Variants in TENM2 observed in about 807,000 individuals in gnomAD.
TENM2 encodes teneurin transmembrane protein 2, also known as teneurin-2.
A neutral mutation model predicts 245.2 loss-of-function variants in TENM2; 52 were observed. The observed-to-expected ratio is 0.21, with a 90% confidence interval of 0.17 to 0.27. The LOEUF (loss-of-function observed/expected upper bound fraction) is 0.27, where lower values mean the gene tolerates loss of function less well. Ranked by LOEUF, TENM2 falls within the 10% of genes least tolerant of loss-of-function variation. TENM2 has a pLI of 1.00. For missense variants in TENM2, 3,046 were observed against 3,666.8 expected (o/e 0.83, Z 4.37); for synonymous variants, 1,363 against 1,438.9 (o/e 0.95, Z 1.19).
intron 8 of TENM2, among the ~76,000 whole-genome samples, chr5:168,095,482 C>G (rs1389943917): frequency 1.3e-5 from 2 of 152,218 alleles, no homozygotes; most frequent in African/African-American, 4.8e-5. Flanking sequence ...GAGAGGCCCT[C>G]CCTGAACATT....
chr5:167,487,629 G>A (rs969678315), intron 2 of TENM2, among the ~76,000 whole-genome samples: 33 of 152,242 alleles, frequency 2.2e-4, no homozygotes, highest in African/African-American at 7.7e-4. Context: ...GTCTTTCATT[G>A]TAATTAACTA....
chr5:167,716,786 A>AG (rs1260320140), intron 2 of TENM2, among the ~76,000 whole-genome samples: 1 of 152,042 alleles, frequency 6.6e-6, no homozygotes, highest in Admixed American at 6.6e-5. Context: ...AGAAATCCGA[A>AG]GGGAAAAAAA....
intron 1 of TENM2, among the ~76,000 whole-genome samples, chr5:167,363,580 A>T (rs1759842209): frequency 6.6e-6 from 1 of 151,880 alleles, no homozygotes; most frequent in Admixed American, 6.6e-5. Context: ...AAATACAAAA[A>T]ATTAACTGGG....
chr5:168,212,714 G>A (rs1258101305), intron 20 of TENM2, among the ~76,000 whole-genome samples: 2 of 152,140 alleles, frequency 1.3e-5, no homozygotes, highest in Non-Finnish European at 2.9e-5. Context: ...CACCCCATTT[G>A]AGCCAAATTT....
chr5:167,763,251 T>A (rs1049345820), intron 2 of TENM2, among the ~76,000 whole-genome samples: 1 of 152,228 alleles, frequency 6.6e-6, no homozygotes, highest in Non-Finnish European at 1.5e-5. Context: ...TCATATTCCA[T>A]CCTGTCTGGT....
chr5:167,297,721 GAA>G (rs35827675), intron 1 of TENM2, among the ~76,000 whole-genome samples: 27,352 of 151,838 alleles, frequency 0.18, 3,425 homozygotes, highest in African/African-American at 0.36. Context: ...GGCTGAGTCT[GAA>G]AAGAGAGTCA....
intron 2 of TENM2, among the ~76,000 whole-genome samples, chr5:167,870,643 A>G (rs1772746185): frequency 6.7e-6 from 1 of 148,456 alleles, no homozygotes; most frequent in African/African-American, 2.5e-5. Context: ...ACACACATAT[A>G]TAGTAATATA....
intron 13 of TENM2, among the ~76,000 whole-genome samples, chr5:168,183,126 G>A (rs948148390): frequency 1.1e-4 from 17 of 152,056 alleles, no homozygotes; most frequent in South Asian, 6.3e-4. Flanking sequence ...CACCGCCCCC[G>A]GCCCAGGGTA....
chr5:168,160,382 G>A (rs1023457390), intron 12 of TENM2, among the ~76,000 whole-genome samples: 2 of 152,198 alleles, frequency 1.3e-5, no homozygotes, highest in African/African-American at 4.8e-5. Flanking sequence ...TGTGAATCTG[G>A]GCTTTGTGAG....
chr5:167,170,645 T>C, the TENM2 span, among the ~76,000 whole-genome samples: 1 of 152,188 alleles, frequency 6.6e-6, no homozygotes, highest in Non-Finnish European at 1.5e-5. Context: ...AGGTCAGTTT[T>C]TTGTTTTTAT....
chr5:168,152,021 G>A (rs977622235), intron 12 of TENM2, among the ~76,000 whole-genome samples: 5 of 152,220 alleles, frequency 3.3e-5, no homozygotes, highest in African/African-American at 1.2e-4. Context: ...AGAGCCATTG[G>A]CTGGTGTCAA....
At chr5:167,595,176 T>A (rs1776119302) in intron 2 of TENM2, among the ~76,000 whole-genome samples, 1 of 152,006 alleles carries the variant, frequency 6.6e-6, no homozygotes, top group African/African-American at 2.4e-5. Flanking sequence ...CTCTCACTTA[T>A]TAAAAAGGGA....
the TENM2 span, among the ~76,000 whole-genome samples, chr5:167,011,178 T>A: frequency 1.3e-5 from 2 of 152,208 alleles, no homozygotes; most frequent in Admixed American, 6.5e-5. Flanking sequence ...AATTACTACT[T>A]CCTCTGGTTT....
chr5:168,068,894 T>C (rs1790741407), intron 7 of TENM2, among the ~76,000 whole-genome samples: 1 of 152,078 alleles, frequency 6.6e-6, no homozygotes, highest in Non-Finnish European at 1.5e-5. Flanking sequence ...GTAACAATGT[T>C]GAGTCTATTT....
At chr5:167,267,838 T>G in the TENM2 span, among the ~76,000 whole-genome samples, 3 of 152,192 alleles carry the variant, frequency 2.0e-5, no homozygotes, top group Non-Finnish European at 4.4e-5. Context: ...ACAAAATTTT[T>G]TATGGGGCTG....
intron 5 of TENM2, among the ~76,000 whole-genome samples, chr5:168,023,781 C>T (rs72824972): frequency 1.3e-3 from 198 of 152,246 alleles, no homozygotes; most frequent in Middle Eastern, 3.4e-3. Context: ...CATGACATCC[C>T]GGAGGGTGCT....
intron 2 of TENM2, among the ~76,000 whole-genome samples, chr5:167,511,516 C>T (rs903827248): frequency 6.6e-6 from 1 of 152,280 alleles, no homozygotes; most frequent in African/African-American, 2.4e-5. Context: ...TTTTGTCATA[C>T]AAATAGTTGA....
At position 168,220,996 on chromosome 5, in the gene TENM2, C is replaced by T. The variant is rs184797320; in HGVS notation, c.5108+1997C>T. ...GTATGGTGGTGCATACTTATAGTCT[C>T]AGCTACTTAGGAGGCAAAGGCATGA... On this transcript the variant is annotated intron_variant, in intron 23 of 28. Transcript: ENST00000518659. Among the ~76,000 whole-genome samples, 503 of 152,030 alleles carry T rather than the reference C, an allele frequency of 3.3e-3. 2 individuals are homozygous for T. Among genetic ancestry groups the T allele is most frequent in the Admixed American group, 7.5e-3 (114 of 15,258 alleles).
intron 1 of TENM2, among the ~76,000 whole-genome samples, chr5:167,315,446 C>T (rs1372775818): frequency 2.0e-5 from 3 of 151,974 alleles, no homozygotes; most frequent in Non-Finnish European, 2.9e-5. Flanking sequence ...ATGCAAGGTG[C>T]CCCACATATG....
Sources: gnomAD v4.1 joint callset for allele counts (sites outside exome capture counted in the v4.1 genomes callset) on GRCh38, gnomAD v4.1.1 for gene constraint, MANE v1.5 for transcripts, NCBI Gene and HGNC (gene_info 2026-07-23, HGNC 2026-07-21) for gene names.